Variants in ZNF577 observed in about 807,000 individuals in gnomAD.
ZNF577 encodes zinc finger protein 577.
In ZNF577, 14 loss-of-function variants were observed where a neutral mutation model predicts 13.9. The ratio of observed to expected loss-of-function variants is 1.00; its 90% confidence interval spans 0.66 to 1.57. The LOEUF is 1.57. Among genes scored for constraint, ZNF577 ranks in the 40% most tolerant of loss-of-function variants. The pLI is 0.00. For missense variants in ZNF577, 555 were observed against 579.2 expected (o/e 0.96, Z 0.43); for synonymous variants, 203 against 202.9 (o/e 1.00, Z 0.00).
intron 5 of ZNF577, among the ~76,000 whole-genome samples, chr19:51,851,598 C>T (rs1411598691): frequency 6.6e-6 from 1 of 152,106 alleles, no homozygotes; most frequent in African/African-American, 2.4e-5. Context: ...CCCCCATATC[C>T]CCACACCTCA....
intron 9 of ZNF577, among the ~76,000 whole-genome samples, chr19:51,838,029 A>G (rs1162344041): frequency 1.3e-5 from 2 of 152,170 alleles, no homozygotes; most frequent in Non-Finnish European, 2.9e-5. Flanking sequence ...TTTGATTTTG[A>G]CCTTGAGATC....
chr19:51,858,568 TG>T lies in ZNF577; in HGVS notation c.284-13638del, dbSNP rs143071211. Among the ~76,000 whole-genome samples the T allele has an allele frequency of 5.5e-3, 843 of 152,232 alleles. 2 individuals are homozygous for T. Among genetic ancestry groups the T allele is most frequent in the Non-Finnish European group, 9.3e-3 (635 of 67,998 alleles). ...ATTTCTTGACAACTGTCAAACAAAA[TG>T]GGGAAGGGGCAAAAATCTAGAGAAA... On this transcript the variant is annotated intron_variant and NMD_transcript_variant, in intron 5 of 10. Transcript: ENST00000638827.
chr19:51,875,934 T>C (rs1000051189), intron 5 of ZNF577, among the ~76,000 whole-genome samples: 3 of 152,108 alleles, frequency 2.0e-5, no homozygotes, highest in African/African-American at 7.2e-5. Context: ...CATTCAGACG[T>C]AGAACAGAGT....
chr19:51,810,480 T>A (rs758765532), intron 10 of ZNF577, among the ~76,000 whole-genome samples: 2 of 152,122 alleles, frequency 1.3e-5, no homozygotes, highest in Non-Finnish European at 2.9e-5. Context: ...GCGGCCCAGG[T>A]GCATTTAACA....
intron 5 of ZNF577, 23 bp from the exon 6 acceptor site, chr19:51,873,729 A>G (rs1195883727): frequency 1.9e-6 from 3 of 1,551,926 alleles, no homozygotes; most frequent in Non-Finnish European, 1.8e-6. Context: ...TCAAACTTTT[A>G]CAATGCGAGC....
At chr19:51,885,405 T>C (rs1458204500) in intron 1 of ZNF577, among the ~76,000 whole-genome samples, 1 of 152,190 alleles carries the variant, frequency 6.6e-6, no homozygotes, top group African/African-American at 2.4e-5. Flanking sequence ...TTCTCTCAGT[T>C]ACTGAGAGAA....
chr19:51,877,527 G>A, intron 4 of ZNF577, 150 bp from the exon 5 acceptor site: 1 of 619,998 alleles, frequency 1.6e-6, no homozygotes, highest in Non-Finnish European at 2.8e-6. Context: ...TTCGTGCCAG[G>A]GAGGAAAATA....
chr19:51,812,327 A>C (rs1408779000), intron 9 of ZNF577, among the ~76,000 whole-genome samples: 1 of 152,214 alleles, frequency 6.6e-6, no homozygotes. Flanking sequence ...ATCTCCACTT[A>C]ACAGCCCAAA....
At chr19:51,850,079 GA>G (rs1030084026) in intron 5 of ZNF577, among the ~76,000 whole-genome samples, 2 of 152,220 alleles carry the variant, frequency 1.3e-5, no homozygotes, top group Non-Finnish European at 2.9e-5. Context: ...AAAATGGACA[GA>G]AGGAGGGATT....
intron 9 of ZNF577, among the ~76,000 whole-genome samples, chr19:51,829,687 T>C (rs966263116): frequency 1.3e-5 from 2 of 152,184 alleles, no homozygotes; most frequent in Non-Finnish European, 2.9e-5. Context: ...GAAAAGATGA[T>C]AAAATGCTGG....
At chr19:51,857,392 AAGAAAGAAAGAAAG>A (rs767014439) in intron 5 of ZNF577, among the ~76,000 whole-genome samples, 6 of 121,754 alleles carry the variant, frequency 4.9e-5, no homozygotes, top group South Asian at 3.3e-4. Context: ...GAAAGAAAGA[AAGAAAGAAAGAAAG>A]AAAGAAAGAA....
intron 5 of ZNF577, among the ~76,000 whole-genome samples, chr19:51,850,831 C>T (rs1325364004): frequency 6.6e-6 from 1 of 152,204 alleles, no homozygotes; most frequent in Non-Finnish European, 1.5e-5. Flanking sequence ...TAACATGATT[C>T]TATTTGTCAA....
intron 5 of ZNF577, among the ~76,000 whole-genome samples, chr19:51,874,523 G>C (rs575370706): frequency 6.6e-6 from 1 of 151,924 alleles, no homozygotes; most frequent in Admixed American, 6.6e-5. Context: ...TGGTTTACCC[G>C]GAATATCCTG....
downstream of ZNF577, among the ~76,000 whole-genome samples, chr19:51,865,395 G>A (rs1381790730): frequency 2.3e-5 from 2 of 85,850 alleles, no homozygotes; most frequent in Non-Finnish European, 3.8e-5. Flanking sequence ...CCATGCCCGC[G>A]CCTTCCCAAA....
intron 9 of ZNF577, among the ~76,000 whole-genome samples, chr19:51,834,940 C>T (rs1424327208): frequency 1.3e-5 from 2 of 152,162 alleles, no homozygotes; most frequent in Non-Finnish European, 2.9e-5. Flanking sequence ...CAACCTGAGC[C>T]TCCCTTACAG....
At chr19:51,808,492 G>A (rs569878607) in intron 10 of ZNF577, among the ~76,000 whole-genome samples, 18 of 152,158 alleles carry the variant, frequency 1.2e-4, no homozygotes, top group Admixed American at 4.6e-4. Flanking sequence ...AACATATTCC[G>A]AGGCTTCTTT....
rs532498869 is a variant in ZNF577, at chr19:51,869,553, G to A, written c.*2979C>T. ...GGAACTCAGAGACCAGTGCCGGTGC[G>A]GGTCCTCCATATGCTGAGCACCGGT... On this transcript the variant is annotated 3_prime_UTR_variant, in exon 6 of 6. Coordinates refer to ENST00000638348, the MANE Select transcript of ZNF577 (RefSeq NM_001370449.1). Among the ~76,000 whole-genome samples, 19 of 152,174 alleles carry A rather than the reference G, an allele frequency of 1.2e-4. No homozygotes were observed. The highest frequency in any genetic ancestry group is 2.7e-4 in the African/African-American group (11 of 41,502).
intron 9 of ZNF577, among the ~76,000 whole-genome samples, chr19:51,829,618 T>C (rs2084250727): frequency 6.6e-6 from 1 of 152,204 alleles, no homozygotes; most frequent in Non-Finnish European, 1.5e-5. Context: ...ATCTCACTGA[T>C]GAGAGAGCCA....
At chr19:51,884,381 TA>T (rs2084910492) in intron 1 of ZNF577, among the ~76,000 whole-genome samples, 1 of 152,198 alleles carries the variant, frequency 6.6e-6, no homozygotes, top group South Asian at 2.1e-4. Context: ...GTCTCCAGAC[TA>T]AAACAAAAGT....
Sources: gnomAD v4.1 joint callset for allele counts (sites outside exome capture counted in the v4.1 genomes callset) on GRCh38, gnomAD v4.1.1 for gene constraint, MANE v1.5 for transcripts, NCBI Gene and HGNC (gene_info 2026-07-23, HGNC 2026-07-21) for gene names.